The following FOXN3 variants were observed in gnomAD, a reference collection of about 807,000 sequenced individuals.
The protein encoded by FOXN3 is forkhead box protein N3.
A neutral mutation model predicts 38.4 loss-of-function variants in FOXN3; 7 were observed. The observed-to-expected ratio is 0.18, with a 90% confidence interval of 0.10 to 0.34. The LOEUF (loss-of-function observed/expected upper bound fraction) is 0.34, where lower values mean the gene tolerates loss of function less well. Ranked by LOEUF, FOXN3 falls within the 10% of genes least tolerant of loss-of-function variation. FOXN3 has a pLI of 1.00. For missense variants in FOXN3, 456 were observed against 613.4 expected (o/e 0.74, Z 2.71); for synonymous variants, 230 against 242.2 (o/e 0.95, Z 0.47).
In FOXN3 at chr14:89,217,134, GT is replaced by G. The variant is rs940393735; in HGVS notation, c.746-36329del. ...TGACAAGGGTGTGAGATCTCAAAAT[GT>G]TTTTTTGGTTCGTTTTTGAGACAGG... On this transcript the variant is annotated intron_variant, in intron 4 of 5. Coordinates refer to ENST00000557258, the MANE Select transcript of FOXN3 (RefSeq NM_005197.4). Among the ~76,000 whole-genome samples, 152 of 99,956 alleles carry G rather than the reference GT, an allele frequency of 1.5e-3. 3 individuals carry two copies. The South Asian group carries it at 0.029, about 19-fold the overall frequency. 65.6% of individuals were successfully genotyped at this position (99,956 alleles called of 152,430 possible). A position where few individuals can be genotyped will look rare whatever the true frequency, so the allele number is the denominator to read the frequency against.
At chr14:89,608,664 C>G (rs1896328712) in intron 1 of FOXN3, among the ~76,000 whole-genome samples, 1 of 152,128 alleles carries the variant, frequency 6.6e-6, no homozygotes. Context: ...CCTAGGGACC[C>G]TGAGTTTGTT....
intron 2 of FOXN3, among the ~76,000 whole-genome samples, chr14:89,371,508 T>C (rs1268430812): frequency 1.3e-5 from 2 of 151,966 alleles, no homozygotes; most frequent in Non-Finnish European, 1.5e-5. Flanking sequence ...ACAAATCTAC[T>C]AGATATTCAA....
intron 1 of FOXN3, among the ~76,000 whole-genome samples, chr14:89,454,872 G>T (rs905708133): frequency 2.0e-5 from 3 of 152,120 alleles, no homozygotes; most frequent in African/African-American, 7.2e-5. Flanking sequence ...CTAACCCAAG[G>T]TCATCCTTAT....
chr14:89,181,010 G>A (rs1439041946), intron 4 of FOXN3, among the ~76,000 whole-genome samples: 1 of 149,534 alleles, frequency 6.7e-6, no homozygotes, highest in African/African-American at 2.5e-5. Flanking sequence ...ACACAGTCAT[G>A]CACGCGCACA....
chr14:89,488,897 GA>G (rs1343880235), intron 1 of FOXN3, among the ~76,000 whole-genome samples: 2 of 152,176 alleles, frequency 1.3e-5, no homozygotes, highest in African/African-American at 4.8e-5. Flanking sequence ...CTCAAGTTGA[GA>G]GGGGTATGAC....
chr14:89,279,345 A>G (rs1483150072), intron 4 of FOXN3, among the ~76,000 whole-genome samples: 1 of 152,246 alleles, frequency 6.6e-6, no homozygotes, highest in Non-Finnish European at 1.5e-5. Context: ...TCAACTTCAG[A>G]AACCTTATCA....
intron 2 of FOXN3, among the ~76,000 whole-genome samples, chr14:89,386,973 G>A (rs543314099): frequency 6.6e-6 from 1 of 151,800 alleles, no homozygotes; most frequent in Non-Finnish European, 1.5e-5. Flanking sequence ...TAAATTGGGG[G>A]GTGCCAGGCA....
intron 2 of FOXN3, among the ~76,000 whole-genome samples, chr14:89,384,083 C>T (rs1484786877): frequency 6.6e-6 from 1 of 152,198 alleles, no homozygotes; most frequent in Non-Finnish European, 1.5e-5. Context: ...ATGCTACAAT[C>T]ATTAGAGCTG....
rs1491128520 is a variant in FOXN3, at chr14:89,161,597, G to GTGTGTGCA, written c.*816_*817insTGCACACA. ...TGTGTGTGTGTGTGTGTGTGTGTGT[G>GTGTGTGCA]CGTGCGTGCACAGGGCCAATCTTCA... On this transcript the variant is annotated 3_prime_UTR_variant, in exon 6 of 6. Transcript: ENST00000557258. 1.1e-5 allele frequency: 1 copy of GTGTGTGCA among 90,380 alleles called. No homozygotes were observed. Among genetic ancestry groups the GTGTGTGCA allele is most frequent in the Non-Finnish European group, 3.0e-5 (1 of 33,182 alleles). The allele number at this position is 90,380 out of a possible 1,614,324, so 5.6% of individuals were successfully genotyped here.
intron 1 of FOXN3, among the ~76,000 whole-genome samples, chr14:89,578,055 C>A (rs2139905764): frequency 6.6e-6 from 1 of 152,200 alleles, no homozygotes; most frequent in South Asian, 2.1e-4. Flanking sequence ...CACAGCTCTT[C>A]AGGGCTCTAT....
intron 4 of FOXN3, among the ~76,000 whole-genome samples, chr14:89,195,453 G>A (rs562549514): frequency 4.6e-5 from 7 of 152,296 alleles, no homozygotes; most frequent in East Asian, 1.9e-4. Context: ...ATGCAGGCAC[G>A]CTATTGTGGT....
intron 4 of FOXN3, among the ~76,000 whole-genome samples, chr14:89,276,251 G>A (rs1011882907): frequency 6.6e-6 from 1 of 152,164 alleles, no homozygotes; most frequent in African/African-American, 2.4e-5. Flanking sequence ...TTGCACACCA[G>A]CCTGGGCGAC....
At chr14:89,606,502 G>A (rs762972482) in intron 1 of FOXN3, among the ~76,000 whole-genome samples, 3 of 152,112 alleles carry the variant, frequency 2.0e-5, no homozygotes, top group Admixed American at 1.3e-4. Context: ...GACTTCTCAC[G>A]CCTGAACATA....
chr14:89,551,575 G>A (rs1895006911), intron 1 of FOXN3, among the ~76,000 whole-genome samples: 1 of 152,206 alleles, frequency 6.6e-6, no homozygotes, highest in East Asian at 1.9e-4. Context: ...GCCAGGAAAG[G>A]AGAGGGCCAT....
chr14:89,295,851 C>T lies in FOXN3; in HGVS notation c.681-14837G>A, dbSNP rs531469007. On this transcript the variant is annotated intron_variant, in intron 3 of 5. Transcript: ENST00000557258. ...CTAGGCTCAAGAGCTCCTGCCTCAG[C>T]CTCCCAAAATACTGGGATTACAGGA... Among the ~76,000 whole-genome samples, 287 of 150,436 alleles carry T rather than the reference C, an allele frequency of 1.9e-3. 1 individual carries two copies. The highest frequency in any genetic ancestry group is 6.2e-3 in the African/African-American group (254 of 40,732).
At chr14:89,616,241 T>C (rs1896490558) in intron 1 of FOXN3, among the ~76,000 whole-genome samples, 2 of 152,218 alleles carry the variant, frequency 1.3e-5, no homozygotes, top group African/African-American at 4.8e-5. Context: ...TCTCCAAACT[T>C]TTTTCTTTAT....
At chr14:89,513,267 CTT>C (rs111977353) in intron 1 of FOXN3, among the ~76,000 whole-genome samples, 1 of 149,098 alleles carries the variant, frequency 6.7e-6, no homozygotes, top group Admixed American at 6.7e-5. Flanking sequence ...TTCCCTCTTT[CTT>C]TTTTTTTATT....
chr14:89,408,869 G>A (rs986349220), intron 2 of FOXN3, among the ~76,000 whole-genome samples: 1 of 152,024 alleles, frequency 6.6e-6, no homozygotes, highest in South Asian at 2.1e-4. Flanking sequence ...GGGAGCTCCC[G>A]CCAAATAAAA....
At chr14:89,465,293 G>A (rs575608945) in intron 1 of FOXN3, among the ~76,000 whole-genome samples, 54 of 152,150 alleles carry the variant, frequency 3.5e-4, no homozygotes, top group Admixed American at 6.5e-4. Flanking sequence ...GCAGTCGCAC[G>A]ATCTTGGCTC....
Sources: gnomAD v4.1 joint callset for allele counts (sites outside exome capture counted in the v4.1 genomes callset) on GRCh38, gnomAD v4.1.1 for gene constraint, MANE v1.5 for transcripts, NCBI Gene and HGNC (gene_info 2026-07-23, HGNC 2026-07-21) for gene names.